PTPRD: variants seen among roughly 807,000 people sequenced by gnomAD.
PTPRD encodes protein tyrosine phosphatase receptor type D, also known as receptor-type tyrosine-protein phosphatase delta.
PTPRD carries 34 observed loss-of-function variants against 214.5 expected under a neutral mutation model. The ratio of observed to expected loss-of-function variants is 0.16; its 90% CI spans 0.12 to 0.21. The LOEUF (loss-of-function observed/expected upper bound fraction) is 0.21, where lower values mean the gene tolerates loss of function less well. Among genes scored for constraint, PTPRD ranks in the 10% least tolerant of loss-of-function variants. The pLI, the probability that PTPRD is intolerant of heterozygous loss-of-function variation, is 1.00. For missense variants in PTPRD, 2,545 were observed against 2,398.7 expected, an observed-to-expected ratio of 1.06 and a Z score of -1.27; for synonymous variants, 1,128 against 845.7, an observed-to-expected ratio of 1.33 and a Z score of -5.79.
chr9:8,631,079 G>C (rs2096237812), intron 14 of PTPRD, among the ~76,000 whole-genome samples: 2 of 151,730 alleles, frequency 1.3e-5, no homozygotes, highest in Non-Finnish European at 1.5e-5. Flanking sequence ...AGCCAGATTT[G>C]GCTTCAAATA....
chr9:9,549,713 T>G (rs950953190), intron 8 of PTPRD, among the ~76,000 whole-genome samples: 2 of 152,084 alleles, frequency 1.3e-5, no homozygotes, highest in African/African-American at 2.4e-5. Context: ...CAACAAATGA[T>G]GGTGGAACAA....
At chr9:9,026,987 T>C (rs915322498) in intron 10 of PTPRD, among the ~76,000 whole-genome samples, 2 of 151,462 alleles carry the variant, frequency 1.3e-5, no homozygotes. Flanking sequence ...GCCTTCTGCT[T>C]GAGTGCTGAT....
At chr9:9,215,354 C>A (rs1024014562) in intron 9 of PTPRD, among the ~76,000 whole-genome samples, 1 of 152,050 alleles carries the variant, frequency 6.6e-6, no homozygotes, top group Non-Finnish European at 1.5e-5. Context: ...TGCCACTCAG[C>A]CACTTACTGA....
At chr9:8,328,360 C>CT in intron 44 of PTPRD, among the ~76,000 whole-genome samples, 1 of 152,272 alleles carries the variant, frequency 6.6e-6, no homozygotes, top group Non-Finnish European at 1.5e-5. Flanking sequence ...TGTCTTCTGG[C>CT]TTGTAGGGTT....
chr9:9,329,454 T>C (rs2041479448), intron 9 of PTPRD, among the ~76,000 whole-genome samples: 1 of 152,164 alleles, frequency 6.6e-6, no homozygotes, highest in Non-Finnish European at 1.5e-5. Context: ...ATAATGTTCT[T>C]AAAAAGCATT....
intron 3 of PTPRD, among the ~76,000 whole-genome samples, chr9:10,290,712 T>A (rs966030492): frequency 6.6e-6 from 1 of 152,154 alleles, no homozygotes; most frequent in Admixed American, 6.6e-5. Flanking sequence ...ACATGCATTA[T>A]GTTTAGGAGA....
At chr9:10,446,184 T>C (rs75736755) in intron 2 of PTPRD, among the ~76,000 whole-genome samples, 2,096 of 152,004 alleles carry the variant, frequency 0.014, 36 homozygotes, top group African/African-American at 0.046. Flanking sequence ...TAGTCCGAGA[T>C]AAAAATGAAG....
intron 7 of PTPRD, among the ~76,000 whole-genome samples, chr9:9,621,044 G>T (rs1162946987): frequency 6.6e-6 from 1 of 152,142 alleles, no homozygotes; most frequent in Non-Finnish European, 1.5e-5. Context: ...GCAGGGGTTA[G>T]TCTGCAGTGG....
intron 2 of PTPRD, among the ~76,000 whole-genome samples, chr9:10,365,158 T>G (rs936054936): frequency 6.6e-6 from 1 of 152,208 alleles, no homozygotes. Context: ...GACTTTCTCA[T>G]GGCTCCCAGT....
chr9:10,004,447 G>A (rs1326784971), intron 4 of PTPRD, among the ~76,000 whole-genome samples: 6 of 151,910 alleles, frequency 3.9e-5, no homozygotes, highest in African/African-American at 1.4e-4. Flanking sequence ...GTGTATGGCA[G>A]ATAATTCACA....
At chr9:8,658,852 T>C (rs1225749239) in intron 12 of PTPRD, among the ~76,000 whole-genome samples, 3 of 152,130 alleles carry the variant, frequency 2.0e-5, no homozygotes, top group Non-Finnish European at 4.4e-5. Flanking sequence ...GAATCCCTGA[T>C]ATATAAAATG....
intron 7 of PTPRD, among the ~76,000 whole-genome samples, chr9:9,690,692 G>C (rs2097254059): frequency 6.6e-6 from 1 of 151,752 alleles, no homozygotes; most frequent in Non-Finnish European, 1.5e-5. Flanking sequence ...AGGTTATTCA[G>C]TTTTCCCAGC....
intron 5 of PTPRD, among the ~76,000 whole-genome samples, chr9:9,929,980 C>T (rs999882633): frequency 6.6e-6 from 1 of 152,178 alleles, no homozygotes. Context: ...CAAGGTTATA[C>T]TCATTTACCA....
rs772507211 is a variant in PTPRD, at chr9:10,104,780, C to T, written c.-544-70990G>A. ...TTATTTGTTCAAAAATATTTAAAATCCAACATGTAGGTGGAGTAATCCAAG... is the reference window on the plus strand; with the variant it reads ...TTATTTGTTCAAAAATATTTAAAATTCAACATGTAGGTGGAGTAATCCAAG... On this transcript the variant is annotated intron_variant, in intron 3 of 45. Transcript: ENST00000381196. Among the ~76,000 whole-genome samples the T allele has an allele frequency of 1.8e-4, 27 of 151,966 alleles. No individual in the cohort carries two copies. In the Middle Eastern group the frequency reaches 0.017, roughly 96 times the overall value.
chr9:10,368,814 T>C (rs1598293726), intron 2 of PTPRD, among the ~76,000 whole-genome samples: 3 of 152,118 alleles, frequency 2.0e-5, no homozygotes, highest in East Asian at 3.9e-4. Flanking sequence ...TGGCAAATCA[T>C]GATACAAAAA....
At position 10,339,625 on chromosome 9, in the gene PTPRD, G is replaced by T. The variant is rs144175477; in HGVS notation, c.-545+1338C>A. Among the ~76,000 whole-genome samples, 9 of 151,748 alleles carry T rather than the reference G, an allele frequency of 5.9e-5. No homozygotes were observed. In the East Asian group the frequency reaches 1.8e-3, roughly 30 times the overall value. The stretch of plus-strand genomic sequence containing the variant: ...TCTACCAATACTTATGAAGAAAAGG[G>T]CATTTGGGATGAAAATGGATATTGG... On this transcript the variant is annotated intron_variant, in intron 3 of 45. Transcript: ENST00000381196.
intron 2 of PTPRD, among the ~76,000 whole-genome samples, chr9:10,476,580 T>C (rs2099063932): frequency 6.6e-6 from 1 of 152,136 alleles, no homozygotes; most frequent in South Asian, 2.1e-4. Flanking sequence ...AATTTATAGA[T>C]TCTATGCTAT....
intron 11 of PTPRD, among the ~76,000 whole-genome samples, chr9:8,841,326 T>C (rs756125561): frequency 8.5e-5 from 13 of 152,256 alleles, no homozygotes; most frequent in Non-Finnish European, 5.9e-5. Context: ...TTTTCCACTT[T>C]GTTACAAGGT....
At chr9:9,144,284 T>C (rs2099864912) in intron 10 of PTPRD, among the ~76,000 whole-genome samples, 1 of 152,164 alleles carries the variant, frequency 6.6e-6, no homozygotes, top group African/African-American at 2.4e-5. Context: ...TATAGTGGTG[T>C]TGAGCTGCTG....
Sources: gnomAD v4.1 joint callset for allele counts (sites outside exome capture counted in the v4.1 genomes callset) on GRCh38, gnomAD v4.1.1 for gene constraint, MANE v1.5 for transcripts, NCBI Gene and HGNC (gene_info 2026-07-23, HGNC 2026-07-21) for gene names.